Variants in EHBP1 observed in about 807,000 individuals in gnomAD.
The protein encoded by EHBP1 is EH domain-binding protein 1.
EHBP1 carries 55 observed loss-of-function variants against 144.0 expected under a neutral mutation model. That is an observed-to-expected ratio of 0.38 (90% CI 0.31 to 0.48). The LOEUF is 0.48. EHBP1 is among the 20% of genes least tolerant of loss of function. The pLI, the probability that EHBP1 is intolerant of heterozygous loss-of-function variation, is 0.98. For missense variants in EHBP1, 1,200 were observed against 1,364.2 expected (o/e 0.88, Z 1.90); for synonymous variants, 469 against 472.7 (o/e 0.99, Z 0.10).
At chr2:62,676,533 G>A (rs1454491815) in intron 1 of EHBP1, among the ~76,000 whole-genome samples, 3 of 152,174 alleles carry the variant, frequency 2.0e-5, no homozygotes, top group Admixed American at 2.0e-4. Flanking sequence ...AAAGCCACGG[G>A]TTAGCCTGTG....
intron 3 of EHBP1, among the ~76,000 whole-genome samples, chr2:62,752,476 C>T (rs921653333): frequency 6.6e-6 from 1 of 152,126 alleles, no homozygotes; most frequent in Non-Finnish European, 1.5e-5. Context: ...GTGGAGAGTT[C>T]TATAGATGTC....
chr2:62,945,572 A>G (rs991690279), intron 12 of EHBP1, among the ~76,000 whole-genome samples: 1 of 152,180 alleles, frequency 6.6e-6, no homozygotes, highest in Non-Finnish European at 1.5e-5. Flanking sequence ...GAATGTAGCA[A>G]GACCCCATCT....
At chr2:63,044,673 T>C (rs2061856109) in intron 21 of EHBP1, 1 of 158,268 alleles carries the variant, frequency 6.3e-6, no homozygotes, top group East Asian at 1.8e-4. Flanking sequence ...TTCAGAATGA[T>C]TTTATCGCCC....
intron 1 of EHBP1, among the ~76,000 whole-genome samples, chr2:62,689,536 C>G (rs1420712200): frequency 1.3e-5 from 2 of 151,984 alleles, no homozygotes; most frequent in Non-Finnish European, 2.9e-5. Context: ...TCCAGCTACC[C>G]GGGAGGCTGA....
intron 5 of EHBP1, among the ~76,000 whole-genome samples, chr2:62,803,437 C>A (rs896576865): frequency 5.9e-5 from 9 of 152,136 alleles, no homozygotes; most frequent in Non-Finnish European, 8.8e-5. Flanking sequence ...ACACCCTCAG[C>A]GATGCTAGCT....
intron 10 of EHBP1, among the ~76,000 whole-genome samples, chr2:62,887,209 G>A (rs532489317): frequency 6.6e-6 from 1 of 152,138 alleles, no homozygotes; most frequent in East Asian, 1.9e-4. Context: ...AAATAGCCAC[G>A]CCAACCTCCA....
chr2:62,977,709 A>C (rs140022412), intron 14 of EHBP1, among the ~76,000 whole-genome samples: 98 of 152,300 alleles, frequency 6.4e-4, no homozygotes, highest in African/African-American at 2.3e-3. Context: ...ACAAAGGTAA[A>C]TCAGCTATAG....
chr2:62,690,301 C>T (rs575885257), intron 1 of EHBP1, among the ~76,000 whole-genome samples: 3 of 152,218 alleles, frequency 2.0e-5, no homozygotes, highest in Non-Finnish European at 2.9e-5. Context: ...CGGTGGCTCA[C>T]GCTTGTAATC....
intron 14 of EHBP1, among the ~76,000 whole-genome samples, chr2:62,964,418 A>G (rs1234218527): frequency 1.3e-5 from 2 of 152,190 alleles, no homozygotes; most frequent in Admixed American, 6.5e-5. Flanking sequence ...TGTATTTTAT[A>G]TTGCCTATTT....
chr2:62,894,395 A>G (rs551375076), intron 10 of EHBP1, among the ~76,000 whole-genome samples: 62 of 151,652 alleles, frequency 4.1e-4, no homozygotes, highest in Non-Finnish European at 8.3e-4. Context: ...AGGAAGAGGG[A>G]GAGAGAGAGA....
intron 1 of EHBP1, among the ~76,000 whole-genome samples, chr2:62,675,964 C>T (rs2151718789): frequency 6.6e-6 from 1 of 152,286 alleles, no homozygotes. Context: ...CCATATTGCC[C>T]AGGCTGGGCT....
At position 62,990,801 on chromosome 2, in the gene EHBP1, C is replaced by G; in HGVS notation, c.2694C>G (p.Ala898=). The G allele has an allele frequency of 6.2e-7, 1 of 1,613,658 alleles. No homozygotes were observed. The highest frequency in any genetic ancestry group is 8.5e-7 in the Non-Finnish European group (1 of 1,179,766). The change falls in exon 16 of 23, where the codon GCC becomes GCG. Residue 898 remains alanine, a synonymous_variant. Coordinates refer to ENST00000431489, the MANE Select transcript of EHBP1 (RefSeq NM_001142616.3). ...TGGCAAATTCACCCTCCAGTGCTGC[C>G]CAGAAAGCTGTAACTGAGAGCTCAG... ...PQVANSPSSA[A]QKAVTESSEQ... is the part of the protein sequence containing the mutation.
chr2:62,984,875 G>A (rs1193464984), intron 15 of EHBP1, among the ~76,000 whole-genome samples: 1 of 152,192 alleles, frequency 6.6e-6, no homozygotes, highest in African/African-American at 2.4e-5. Flanking sequence ...CACTGTATAA[G>A]TGGGTAAAGA....
intron 3 of EHBP1, among the ~76,000 whole-genome samples, chr2:62,750,227 T>A (rs2039551193): frequency 6.6e-6 from 1 of 152,238 alleles, no homozygotes; most frequent in Non-Finnish European, 1.5e-5. Flanking sequence ...CCAGCACCAA[T>A]TATTAAATAG....
At chr2:63,043,047 A>C (rs1350631267) in intron 21 of EHBP1, among the ~76,000 whole-genome samples, 2 of 152,150 alleles carry the variant, frequency 1.3e-5, no homozygotes, top group Non-Finnish European at 2.9e-5. Flanking sequence ...TATAAAATTT[A>C]GTCTCAAATC....
intron 5 of EHBP1, among the ~76,000 whole-genome samples, chr2:62,783,588 G>A (rs2042603862): frequency 6.6e-6 from 1 of 152,244 alleles, no homozygotes; most frequent in African/African-American, 2.4e-5. Flanking sequence ...CAAGGCTTGG[G>A]GCTTGCACCC....
At chr2:62,938,835 G>GA (rs2056559992) in intron 10 of EHBP1, among the ~76,000 whole-genome samples, 1 of 152,044 alleles carries the variant, frequency 6.6e-6, no homozygotes. Flanking sequence ...AGAAGAAAAG[G>GA]AAAAAACTTT....
chr2:62,815,544 C>T (rs985728506), intron 5 of EHBP1, among the ~76,000 whole-genome samples: 6 of 152,118 alleles, frequency 3.9e-5, no homozygotes, highest in Admixed American at 6.5e-5. Context: ...AGCACTTGTC[C>T]GATTACTTGA....
chr2:62,890,909 G>T (rs1184217746), intron 10 of EHBP1, among the ~76,000 whole-genome samples: 1 of 152,176 alleles, frequency 6.6e-6, no homozygotes, highest in Non-Finnish European at 1.5e-5. Flanking sequence ...GGCTGGGCAC[G>T]GCGGCTCACG....
Sources: gnomAD v4.1 joint callset for allele counts (sites outside exome capture counted in the v4.1 genomes callset) on GRCh38, gnomAD v4.1.1 for gene constraint, MANE v1.5 for transcripts, NCBI Gene and HGNC (gene_info 2026-07-23, HGNC 2026-07-21) for gene names.